LIN54: variants seen among roughly 807,000 people sequenced by gnomAD.
The protein encoded by LIN54 is protein lin-54 homolog.
Under a neutral mutation model 78.7 loss-of-function variants are expected in LIN54, and 9 were observed. That is an observed-to-expected ratio of 0.11 (90% CI 0.07 to 0.20). The LOEUF (loss-of-function observed/expected upper bound fraction) is 0.20, where lower values mean the gene tolerates loss of function less well. Among genes scored for constraint, LIN54 ranks in the 10% least tolerant of loss-of-function variants. The pLI, the probability that LIN54 is intolerant of heterozygous loss-of-function variation, is 1.00. For synonymous variants in LIN54, 269 were observed against 318.4 expected (o/e 0.84, Z 1.65); for missense variants, 573 against 889.9 (o/e 0.64, Z 4.53).
At chr4:82,943,861 A>AT (rs35020887) in intron 5 of LIN54, among the ~76,000 whole-genome samples, 2,175 of 128,144 alleles carry the variant, frequency 0.017, 44 homozygotes, top group African/African-American at 0.032. Context: ...GTCAATACTG[A>AT]TTTTTTTTTT....
chr4:83,001,663 G>A (rs935021254), intron 1 of LIN54, among the ~76,000 whole-genome samples: 5 of 150,286 alleles, frequency 3.3e-5, no homozygotes, highest in Non-Finnish European at 7.4e-5. Context: ...GGCAAACATG[G>A]TGAAACCCCG....
chr4:82,930,071 G>A (rs1265237025), intron 12 of LIN54, among the ~76,000 whole-genome samples: 2 of 151,934 alleles, frequency 1.3e-5, no homozygotes, highest in Non-Finnish European at 2.9e-5. Flanking sequence ...CTAATTTTTT[G>A]TATTTTTAGT....
intron 11 of LIN54, among the ~76,000 whole-genome samples, chr4:82,934,575 TAC>T (rs1377447961): frequency 1.3e-5 from 2 of 152,250 alleles, no homozygotes; most frequent in Non-Finnish European, 2.9e-5. Context: ...AAGAATTCAT[TAC>T]ACAGAGAATG....
chr4:82,968,230 G>A lies in LIN54; in HGVS notation c.951+2097C>T, dbSNP rs560419104. Among the ~76,000 whole-genome samples, 131 of 151,890 alleles carry A rather than the reference G, an allele frequency of 8.6e-4. No homozygotes were observed. The Middle Eastern group carries it at 0.01, about 12-fold the overall frequency. ...GCTAATTTTGTATTTTTTTTGTAGA[G>A]ACAGGGTTTCTCCATGTTGGTCAGG... On this transcript the variant is annotated intron_variant, in intron 4 of 12. Coordinates refer to ENST00000340417, the MANE Select transcript of LIN54 (RefSeq NM_194282.4).
chr4:82,946,725 G>GA (rs1723389481), intron 4 of LIN54, among the ~76,000 whole-genome samples: 3 of 152,100 alleles, frequency 2.0e-5, no homozygotes, highest in African/African-American at 7.2e-5. Flanking sequence ...GACTTGCTAT[G>GA]AAGAAATTAT....
chr4:82,940,636 GGTGATCCACCC>G (rs1313082472), intron 5 of LIN54, among the ~76,000 whole-genome samples: 1 of 152,200 alleles, frequency 6.6e-6, no homozygotes, highest in Non-Finnish European at 1.5e-5. Flanking sequence ...CCCGACCTCA[GGTGATCCACCC>G]GCCTTGGCCA....
intron 1 of LIN54, among the ~76,000 whole-genome samples, chr4:82,985,348 T>C (rs2126087902): frequency 6.6e-6 from 1 of 152,342 alleles, no homozygotes; most frequent in Middle Eastern, 3.4e-3. Flanking sequence ...CGTCCTAATA[T>C]GAGTGTACTA....
intron 5 of LIN54, among the ~76,000 whole-genome samples, chr4:82,944,061 G>C (rs929480509): frequency 3.3e-5 from 5 of 151,538 alleles, no homozygotes; most frequent in Admixed American, 2.6e-4. Flanking sequence ...GGTAGAGACA[G>C]GGTTTCACCA....
At chr4:82,981,613 G>A (rs1387485936) in intron 2 of LIN54, among the ~76,000 whole-genome samples, 1 of 150,778 alleles carries the variant, frequency 6.6e-6, no homozygotes, top group Non-Finnish European at 1.5e-5. Context: ...TTACTTCTGA[G>A]ATGGAAAGAC....
chr4:83,008,191 T>A (rs1402031704), intron 1 of LIN54, among the ~76,000 whole-genome samples: 1 of 152,178 alleles, frequency 6.6e-6, no homozygotes, highest in Non-Finnish European at 1.5e-5. Flanking sequence ...CTGTAACTCT[T>A]AAGGCCTTCT....
rs114419317 is a variant in LIN54, at chr4:82,965,319, A to G, written c.951+5008T>C. ...AATAGAATAAATCTGTCCTGTAATA[A>G]GAGACAATTACAATATAAAGTAAAT... On this transcript the variant is annotated intron_variant, in intron 4 of 12. Transcript: ENST00000340417. 8.4e-3 allele frequency among the ~76,000 whole-genome samples: 1,280 copies of G among 152,354 alleles called. 21 individuals carry two copies. The highest frequency in any genetic ancestry group is 0.029 in the African/African-American group (1,191 of 41,588).
At chr4:83,000,860 G>A (rs1237307908) in intron 1 of LIN54, among the ~76,000 whole-genome samples, 1 of 98,092 alleles carries the variant, frequency 1.0e-5, no homozygotes, top group Non-Finnish European at 2.0e-5. Flanking sequence ...GTCCCAGGGT[G>A]AAGTGCAGTG....
chr4:83,004,503 TG>T (rs1197907386), intron 1 of LIN54, among the ~76,000 whole-genome samples: 2 of 152,170 alleles, frequency 1.3e-5, no homozygotes, highest in Non-Finnish European at 2.9e-5. Context: ...ATTTTTGTTT[TG>T]TTTTGAGATA....
chr4:82,926,792 G>A lies in LIN54; in HGVS notation c.*1310C>T, dbSNP rs1199096526. ...ACCACAATTTTGAAAATTTTGTTAG[G>A]AGGCCCATTTCTGTAAATCAAGTAA... On this transcript the variant is annotated 3_prime_UTR_variant, in exon 13 of 13. Coordinates refer to ENST00000340417, the MANE Select transcript of LIN54 (RefSeq NM_194282.4). 2 of 152,032 alleles carry A rather than the reference G, an allele frequency of 1.3e-5. No homozygotes were observed. The highest frequency in any genetic ancestry group is 2.1e-4 in the South Asian group (1 of 4,824). 9.4% of individuals were successfully genotyped at this position (152,032 alleles called of 1,614,324 possible).
intron 1 of LIN54, among the ~76,000 whole-genome samples, chr4:82,995,513 T>TG (rs1491561889): frequency 1.5e-5 from 1 of 68,548 alleles, no homozygotes; most frequent in Non-Finnish European, 3.5e-5. Flanking sequence ...TTTTTTTTTT[T>TG]GGGATGGAGT....
chr4:82,973,545 C>T (rs1211884818), intron 3 of LIN54, among the ~76,000 whole-genome samples: 2 of 152,154 alleles, frequency 1.3e-5, no homozygotes, highest in African/African-American at 4.8e-5. Context: ...AGACACACTC[C>T]ATAAAGCCAC....
chr4:82,958,001 C>T (rs1724480513), intron 4 of LIN54, among the ~76,000 whole-genome samples: 1 of 152,206 alleles, frequency 6.6e-6, no homozygotes, highest in African/African-American at 2.4e-5. Flanking sequence ...TACTACACAA[C>T]TTAGCACCTA....
chr4:82,964,343 GC>G (rs1180029517), intron 4 of LIN54, among the ~76,000 whole-genome samples: 2 of 152,074 alleles, frequency 1.3e-5, no homozygotes, highest in African/African-American at 4.8e-5. Flanking sequence ...AAGCCACCAT[GC>G]CCCCCAGCCA....
At chr4:83,012,790 AC>A (rs1230761218), upstream of LIN54, 2 of 148,090 alleles carry the variant, frequency 1.4e-5, no homozygotes, top group East Asian at 4.1e-4. Context: ...GCTGACACTC[AC>A]CAAAGCCGGC....
Sources: gnomAD v4.1 joint callset for allele counts (sites outside exome capture counted in the v4.1 genomes callset) on GRCh38, gnomAD v4.1.1 for gene constraint, MANE v1.5 for transcripts, NCBI Gene and HGNC (gene_info 2026-07-23, HGNC 2026-07-21) for gene names.